Variants in STIM1 observed in about 807,000 individuals in gnomAD.
The protein encoded by STIM1 is stromal interaction molecule 1.
In STIM1, 25 loss-of-function variants were observed where a neutral mutation model predicts 74.7. That is an observed-to-expected ratio of 0.33 (90% CI 0.24 to 0.47). The LOEUF (loss-of-function observed/expected upper bound fraction) is 0.47. Ranked by LOEUF, STIM1 falls within the 20% of genes least tolerant of loss-of-function variation. STIM1 has a pLI of 1.00. For synonymous variants in STIM1, 328 were observed against 348.8 expected (o/e 0.94, Z 0.66); for missense variants, 728 against 920.8 (o/e 0.79, Z 2.71).
chr11:4,089,209 C>G (rs1251668300), intron 12 of STIM1: 1 of 168,896 alleles, frequency 5.9e-6, no homozygotes, highest in African/African-American at 2.4e-5. Context: ...GGCAACAGAG[C>G]AAGACCCTGT....
intron 2 of STIM1, among the ~76,000 whole-genome samples, chr11:4,007,100 G>A (rs571713460): frequency 1.1e-3 from 160 of 152,214 alleles, no homozygotes; most frequent in Non-Finnish European, 1.6e-3. Context: ...ATGGGTTTAT[G>A]CCATGTGCCA....
intron 3 of STIM1, among the ~76,000 whole-genome samples, chr11:4,034,435 C>G (rs1294594723): frequency 6.6e-6 from 1 of 152,028 alleles, no homozygotes; most frequent in Admixed American, 6.6e-5. Context: ...ATTACAGTGA[C>G]TGAGTTTTGA....
In STIM1 at chr11:4,051,590, G is replaced by C. The variant is rs1165116869; in HGVS notation, c.386-3936G>C. Among the ~76,000 whole-genome samples, 3 of 151,912 alleles carry C rather than the reference G, an allele frequency of 2.0e-5. No individual in the cohort carries two copies. In the East Asian group the frequency reaches 5.8e-4, roughly 29 times the overall value. On this transcript the variant is annotated intron_variant, in intron 3 of 12. Coordinates refer to ENST00000526596, the MANE Select transcript of STIM1 (RefSeq NM_001382567.1). ...ACTCTTGAGGTCAGATGATCCACCT[G>C]CCTTCGCCTCCCAAAGTGCTGGGAT...
At position 4,000,775 on chromosome 11, in the gene STIM1, A is replaced by AT. The variant is rs544302702; in HGVS notation, c.271-23097dup. Among the ~76,000 whole-genome samples the AT allele has an allele frequency of 3.4e-3, 518 of 152,108 alleles. 2 individuals are homozygous for AT. The highest frequency in any genetic ancestry group is 0.012 in the African/African-American group (484 of 41,570). ...AGTTGAGAGAAGAAGGCTTCAGACA[A>AT]TCAAACTACTCCAAGCTACAGGAGG... On this transcript the variant is annotated intron_variant, in intron 2 of 12. Coordinates refer to ENST00000526596, the MANE Select transcript of STIM1 (RefSeq NM_001382567.1).
chr11:3,980,967 G>T (rs960679553), intron 2 of STIM1, among the ~76,000 whole-genome samples: 3 of 152,128 alleles, frequency 2.0e-5, no homozygotes, highest in African/African-American at 7.2e-5. Context: ...GAGAACTACT[G>T]GCCTAGATTA....
Position 4,057,672 on chromosome 11 carries a change from T to C in STIM1, c.498-1609T>C, listed in dbSNP as rs558655203. Among the ~76,000 whole-genome samples the C allele has an allele frequency of 4.8e-4, 73 of 152,130 alleles. 1 individual carries two copies. In the South Asian group the frequency reaches 6.0e-3, roughly 13 times the overall value. On this transcript the variant is annotated intron_variant, in intron 4 of 12. Coordinates refer to ENST00000526596, the MANE Select transcript of STIM1 (RefSeq NM_001382567.1). Reference sequence around the variant, plus strand: ...GATCACGAGGTCAGGTGATCGAGACTATCCTGGCTAACATGGTGAAACCCC... The same window carrying C: ...GATCACGAGGTCAGGTGATCGAGACCATCCTGGCTAACATGGTGAAACCCC...
chr11:4,024,986 G>C lies in STIM1; in HGVS notation c.385+999G>C, dbSNP rs141071382. On this transcript the variant is annotated intron_variant, in intron 3 of 12. Transcript: ENST00000526596. ...CTTAGGGCAGGTTCTGATGTAACAG[G>C]GGTTAAATGTAAGTAACCATCAGGA... Among the ~76,000 whole-genome samples the C allele has an allele frequency of 3.5e-4, 54 of 152,238 alleles. No homozygotes were observed. The East Asian group carries it at 0.01, about 28-fold the overall frequency.
intron 1 of STIM1, among the ~76,000 whole-genome samples, chr11:3,896,014 C>T (rs2092157296): frequency 1.3e-5 from 2 of 151,318 alleles, no homozygotes; most frequent in Admixed American, 6.6e-5. Context: ...ACGCCATTCT[C>T]CTGCCTCAGC....
intron 7 of STIM1, among the ~76,000 whole-genome samples, chr11:4,078,569 CT>C (rs769040845): frequency 2.9e-3 from 406 of 141,760 alleles, no homozygotes; most frequent in Middle Eastern, 7.6e-3. Context: ...TAGGACTCTA[CT>C]TTTTTTTTTT....
intron 7 of STIM1, among the ~76,000 whole-genome samples, chr11:4,080,841 T>C (rs532413633): frequency 6.6e-6 from 1 of 152,208 alleles, no homozygotes; most frequent in Non-Finnish European, 1.5e-5. Context: ...TTGCTCTCTT[T>C]TTTTCTCTTC....
At chr11:3,866,121 C>T (rs1259811717) in intron 1 of STIM1, among the ~76,000 whole-genome samples, 1 of 152,122 alleles carries the variant, frequency 6.6e-6, no homozygotes, top group African/African-American at 2.4e-5. Flanking sequence ...CTCACTTCAT[C>T]TCCCTCTGTT....
chr11:3,918,630 G>T (rs753968164), intron 1 of STIM1, among the ~76,000 whole-genome samples: 1 of 152,076 alleles, frequency 6.6e-6, no homozygotes, highest in African/African-American at 2.4e-5. Flanking sequence ...ATTTTGGCTT[G>T]GGTCCTATGC....
intron 1 of STIM1, among the ~76,000 whole-genome samples, chr11:3,913,755 T>C (rs1304422235): frequency 6.6e-6 from 1 of 152,166 alleles, no homozygotes; most frequent in Admixed American, 6.5e-5. Flanking sequence ...TTTCTGTCAT[T>C]CCAAAGGAAA....
intron 1 of STIM1, among the ~76,000 whole-genome samples, chr11:3,900,731 C>T (rs576500143): frequency 5.3e-5 from 8 of 152,334 alleles, no homozygotes; most frequent in East Asian, 3.9e-4. Context: ...AGGCACACCC[C>T]GCCATGCCTG....
chr11:3,863,785 C>T (rs931946525), intron 1 of STIM1, among the ~76,000 whole-genome samples: 2 of 152,050 alleles, frequency 1.3e-5, no homozygotes, highest in South Asian at 2.1e-4. Context: ...ACAGTGCTTG[C>T]GTTCAAGTAA....
At chr11:3,911,559 A>T (rs1050538621) in intron 1 of STIM1, among the ~76,000 whole-genome samples, 2 of 151,780 alleles carry the variant, frequency 1.3e-5, no homozygotes, top group Non-Finnish European at 2.9e-5. Context: ...TAACTTTAAA[A>T]TTTTTTTTGT....
intron 1 of STIM1, among the ~76,000 whole-genome samples, chr11:3,917,549 C>G (rs922923707): frequency 1.3e-5 from 2 of 151,916 alleles, no homozygotes; most frequent in African/African-American, 4.8e-5. Context: ...ATCCTCCCAC[C>G]TCAGCTTCTC....
In STIM1 at chr11:4,083,380, T is replaced by C; in HGVS notation, c.1356T>C (p.Ala452=). The change falls in exon 10 of 13, where the codon GCT becomes GCC. Residue 452 remains alanine (A), a synonymous_variant. Transcript: ENST00000526596. ...VNNPGIHSLV[A]ALNIDPSWMG... Reference sequence around the variant, plus strand: ...ACCCTGGCATCCACTCACTGGTGGCTGCCCTCAACATAGACCCCAGCTGGA... The same window carrying C: ...ACCCTGGCATCCACTCACTGGTGGCCGCCCTCAACATAGACCCCAGCTGGA... 1 of 1,614,266 alleles carries C rather than the reference T, an allele frequency of 6.2e-7. No homozygotes were observed. The highest frequency in any genetic ancestry group is 8.5e-7 in the Non-Finnish European group (1 of 1,180,050).
At chr11:3,885,120 T>A (rs2091656634) in intron 1 of STIM1, among the ~76,000 whole-genome samples, 1 of 152,008 alleles carries the variant, frequency 6.6e-6, no homozygotes, top group Non-Finnish European at 1.5e-5. Flanking sequence ...AATCACTGAA[T>A]TATAAAATCT....
Sources: allele counts gnomAD v4.1 joint callset (sites outside exome capture counted in the v4.1 genomes callset), GRCh38; gene constraint gnomAD v4.1.1; transcripts MANE v1.5; gene names NCBI Gene and HGNC (gene_info 2026-07-23, HGNC 2026-07-21).